The following SCFD2 variants were observed in gnomAD, a reference collection of about 807,000 sequenced individuals.
The protein encoded by SCFD2 is sec1 family domain containing 2.
SCFD2 carries 54 observed loss-of-function variants against 58.9 expected under a neutral mutation model. That is an observed-to-expected ratio of 0.92 (90% CI 0.74 to 1.15). SCFD2 has a LOEUF of 1.15. SCFD2 is among the 50% of genes most tolerant of loss of function. The pLI, the probability that SCFD2 is intolerant of heterozygous loss-of-function variation, is 0.00. For synonymous variants in SCFD2, 321 were observed against 335.9 expected (o/e 0.96, Z 0.49); for missense variants, 805 against 836.6 (o/e 0.96, Z 0.47).
chr4:53,305,859 G>A (rs1732497960), intron 3 of SCFD2, among the ~76,000 whole-genome samples: 1 of 152,190 alleles, frequency 6.6e-6, no homozygotes, highest in African/African-American at 2.4e-5. Flanking sequence ...TTCTAAATCA[G>A]TGTCACTCTT....
rs1019906721 is a variant in SCFD2, at chr4:52,921,456, G to A, written c.1562-586C>T. Among the ~76,000 whole-genome samples, 9 of 152,020 alleles carry A rather than the reference G, an allele frequency of 5.9e-5. No homozygotes were observed. The East Asian group carries it at 1.7e-3, about 29-fold the overall frequency. On this transcript the variant is annotated intron_variant, in intron 5 of 8. Coordinates refer to ENST00000401642, the MANE Select transcript of SCFD2 (RefSeq NM_152540.4). ...TCAAACTCAGAAGAACGTATTCTCT[G>A]TTTTGTTAGAAGCTCATTCAGAGGA... is the stretch of plus-strand genomic sequence containing the variant.
Position 52,960,727 on chromosome 4 carries a change from C to A in SCFD2, c.1562-39857G>T, listed in dbSNP as rs77880679. 1.1e-4 allele frequency among the ~76,000 whole-genome samples: 14 copies of A among 133,324 alleles called. 1 individual carries two copies. Among genetic ancestry groups the A allele is most frequent in the South Asian group, 7.3e-4 (3 of 4,112 alleles). 87.5% of individuals were successfully genotyped at this position (133,324 alleles called of 152,430 possible). ...TTTCTCTGACACACACACACACACA[C>A]AACACACACACACACACCACACATG... On this transcript the variant is annotated intron_variant, in intron 5 of 8. Transcript: ENST00000401642.
intron 5 of SCFD2, chr4:52,956,039 T>C (rs1212598022): frequency 4.4e-6 from 2 of 456,596 alleles, no homozygotes; most frequent in Non-Finnish European, 8.8e-6. Flanking sequence ...GATTTGTTGG[T>C]GAAGAGAAAG....
chr4:53,314,089 G>A (rs538608672), intron 2 of SCFD2, among the ~76,000 whole-genome samples: 1 of 152,278 alleles, frequency 6.6e-6, no homozygotes, highest in South Asian at 2.1e-4. Context: ...CATCACTAGA[G>A]TAATATAAAT....
At chr4:53,243,407 C>A (rs1356909061) in intron 4 of SCFD2, among the ~76,000 whole-genome samples, 3 of 152,116 alleles carry the variant, frequency 2.0e-5, no homozygotes, top group Admixed American at 6.5e-5. Flanking sequence ...AGAAATAAGA[C>A]CCTTTTCAGA....
In SCFD2 at chr4:53,074,041, G is replaced by T. The variant is rs540415157; in HGVS notation, c.1561+71292C>A. Among the ~76,000 whole-genome samples, 4 of 152,276 alleles carry T rather than the reference G, an allele frequency of 2.6e-5. No homozygotes were observed. The East Asian group carries it at 7.7e-4, about 29-fold the overall frequency. Reference sequence around the variant, plus strand: ...ACTTCCTTTCATAACAGATTTGTCTGTAGCATGTAAGCACCACAGTAGAAC... The same window carrying T: ...ACTTCCTTTCATAACAGATTTGTCTTTAGCATGTAAGCACCACAGTAGAAC... On this transcript the variant is annotated intron_variant, in intron 5 of 8. Transcript: ENST00000401642.
intron 4 of SCFD2, among the ~76,000 whole-genome samples, chr4:53,195,925 C>G (rs1043441376): frequency 2.0e-5 from 3 of 152,146 alleles, no homozygotes; most frequent in African/African-American, 7.2e-5. Context: ...AATAGCTACT[C>G]TAATCTCAAA....
intron 3 of SCFD2, among the ~76,000 whole-genome samples, chr4:53,305,782 T>C (rs973149931): frequency 1.3e-5 from 2 of 152,182 alleles, no homozygotes; most frequent in African/African-American, 4.8e-5. Flanking sequence ...ACAAAAATTA[T>C]TGAGGAACTC....
At chr4:53,109,567 C>T (rs553834713) in intron 5 of SCFD2, among the ~76,000 whole-genome samples, 1 of 152,278 alleles carries the variant, frequency 6.6e-6, no homozygotes, top group African/African-American at 2.4e-5. Context: ...CATTCCTATA[C>T]ACCAATAATA....
chr4:53,301,861 T>C (rs1732314073), intron 3 of SCFD2, among the ~76,000 whole-genome samples: 1 of 152,112 alleles, frequency 6.6e-6, no homozygotes, highest in Non-Finnish European at 1.5e-5. Context: ...CACACGACTA[T>C]CTCAATAGAT....
At chr4:52,911,877 TA>T (rs1014600566) in intron 6 of SCFD2, among the ~76,000 whole-genome samples, 12 of 152,228 alleles carry the variant, frequency 7.9e-5, no homozygotes, top group African/African-American at 2.9e-4. Context: ...ACTCTGCCGA[TA>T]GGGGGCACTC....
chr4:52,948,590 T>G (rs1031903356), intron 5 of SCFD2: 3 of 454,250 alleles, frequency 6.6e-6, no homozygotes, highest in African/African-American at 6.0e-5. Context: ...AGTGGGGACA[T>G]GCCAAGTCTC....
chr4:53,095,349 A>G (rs769645370), intron 5 of SCFD2, among the ~76,000 whole-genome samples: 29 of 152,122 alleles, frequency 1.9e-4, no homozygotes, highest in Non-Finnish European at 8.8e-5. Context: ...GTAATCTTTG[A>G]CATCGTTCTT....
chr4:53,353,368 G>A (rs115956144), intron 1 of SCFD2, among the ~76,000 whole-genome samples: 1 of 152,150 alleles, frequency 6.6e-6, no homozygotes, highest in Non-Finnish European at 1.5e-5. Flanking sequence ...AGCTCATAAA[G>A]GCATGCACGG....
intron 5 of SCFD2, among the ~76,000 whole-genome samples, chr4:53,095,990 G>A (rs1361094720): frequency 2.0e-5 from 3 of 151,900 alleles, no homozygotes; most frequent in South Asian, 2.1e-4. Flanking sequence ...TGTCCTTGCG[G>A]TAGTTTGCTG....
intron 5 of SCFD2, among the ~76,000 whole-genome samples, chr4:52,947,651 C>A (rs1234272502): frequency 6.6e-6 from 1 of 151,802 alleles, no homozygotes; most frequent in African/African-American, 2.4e-5. Context: ...GATATACTAC[C>A]AAGATGGCAC....
At chr4:52,982,109 G>T (rs1431767846) in intron 5 of SCFD2, among the ~76,000 whole-genome samples, 1 of 152,206 alleles carries the variant, frequency 6.6e-6, no homozygotes, top group Non-Finnish European at 1.5e-5. Flanking sequence ...AAAGATATAA[G>T]AACAAGGAAC....
At chr4:52,942,405 A>T (rs563926775) in intron 5 of SCFD2, among the ~76,000 whole-genome samples, 1 of 152,230 alleles carries the variant, frequency 6.6e-6, no homozygotes, top group South Asian at 2.1e-4. Flanking sequence ...ATCTGGACAG[A>T]TGTGACTATC....
intron 5 of SCFD2, among the ~76,000 whole-genome samples, chr4:53,123,335 G>A (rs1375515970): frequency 6.6e-6 from 1 of 152,146 alleles, no homozygotes; most frequent in Non-Finnish European, 1.5e-5. Context: ...TGTACATATA[G>A]AGCTTTCTCA....
Sources: allele counts gnomAD v4.1 joint callset (sites outside exome capture counted in the v4.1 genomes callset), GRCh38; gene constraint gnomAD v4.1.1; transcripts MANE v1.5; gene names NCBI Gene and HGNC (gene_info 2026-07-23, HGNC 2026-07-21).